MAGI3: variants seen among roughly 807,000 people sequenced by gnomAD.
The protein encoded by MAGI3 is membrane-associated guanylate kinase, WW and PDZ domain-containing protein 3.
In MAGI3, 43 loss-of-function variants were observed where a neutral mutation model predicts 121.8. That is an observed-to-expected ratio of 0.35 (90% confidence interval 0.28 to 0.46). The LOEUF (loss-of-function observed/expected upper bound fraction) is 0.46, where lower values mean the gene tolerates loss of function less well. Ranked by LOEUF, MAGI3 falls within the 20% of genes least tolerant of loss-of-function variation. MAGI3 has a pLI of 1.00. For synonymous variants in MAGI3, 553 were observed against 639.3 expected, an observed-to-expected ratio of 0.86 and a Z score of 2.04; for missense variants, 1,547 against 1,797.3, an observed-to-expected ratio of 0.86 and a Z score of 2.52.
intron 1 of MAGI3, among the ~76,000 whole-genome samples, chr1:113,522,343 G>A (rs1658239440): frequency 6.6e-6 from 1 of 152,194 alleles, no homozygotes; most frequent in South Asian, 2.1e-4. Context: ...GGCCTCAAGT[G>A]ACCTGCCTGC....
At chr1:113,485,888 C>A (rs574229826) in intron 1 of MAGI3, among the ~76,000 whole-genome samples, 1 of 152,278 alleles carries the variant, frequency 6.6e-6, no homozygotes, top group East Asian at 1.9e-4. Context: ...ATCTGACTTG[C>A]CAATTACCCT....
intron 1 of MAGI3, among the ~76,000 whole-genome samples, chr1:113,470,738 A>T (rs1266613245): frequency 1.3e-5 from 2 of 151,808 alleles, no homozygotes; most frequent in Non-Finnish European, 2.9e-5. Flanking sequence ...CCACCATTCT[A>T]CTCTCTGCTT....
At chr1:113,604,283 G>A (rs1476199766) in intron 6 of MAGI3, among the ~76,000 whole-genome samples, 2 of 151,918 alleles carry the variant, frequency 1.3e-5, no homozygotes, top group Admixed American at 6.6e-5. Flanking sequence ...ATAAAATGTG[G>A]TATTGCCAGG....
intron 2 of MAGI3, among the ~76,000 whole-genome samples, chr1:113,558,080 G>A (rs930508276): frequency 6.6e-6 from 1 of 152,094 alleles, no homozygotes; most frequent in African/African-American, 2.4e-5. Context: ...AAGATCAAAG[G>A]TACATAAGCC....
chr1:113,653,846 C>T lies in MAGI3; in HGVS notation c.2457C>T (p.Asp819=), dbSNP rs760284762. The T allele has an allele frequency of 1.2e-5, 19 of 1,601,694 alleles. No individual in the cohort carries two copies. Among genetic ancestry groups the T allele is most frequent in the South Asian group, 1.0e-4 (9 of 89,142 alleles). The part of the protein sequence containing the change: ...KIFYGEKQPE[D]DSSQAFISTQ... The stretch of plus-strand genomic sequence containing the variant: ...TTATTACAGAAAAACAACCCGAGGA[C>T]GACAGCTCTCAGGCCTTCATTTCAA... The change falls in exon 15 of 21, where the codon GAC becomes GAT. Residue 819 remains aspartate, a synonymous_variant. Transcript: ENST00000307546.
intron 2 of MAGI3, among the ~76,000 whole-genome samples, chr1:113,556,377 G>T (rs1052386871): frequency 6.6e-6 from 1 of 152,142 alleles, no homozygotes; most frequent in African/African-American, 2.4e-5. Context: ...GCTCATGCCT[G>T]TAATCCCAGT....
In MAGI3 at chr1:113,683,072, T is replaced by G; in HGVS notation, c.3504T>G (p.Pro1168=). 6.2e-7 allele frequency: 1 copy of G among 1,612,956 alleles called. No individual in the cohort carries two copies. Among genetic ancestry groups the G allele is most frequent in the Non-Finnish European group, 8.5e-7 (1 of 1,179,672 alleles). The part of the protein sequence containing the change: ...EKAEELKDIV[P]EKKSTLNENQ... ...CAGAAGAATTAAAGGACATTGTGCCTGAAAAGAAAAGCACTTTAAATGAAA... is the reference window on the plus strand; with the variant it reads ...CAGAAGAATTAAAGGACATTGTGCCGGAAAAGAAAAGCACTTTAAATGAAA... Residue 1168 remains proline (P), a synonymous_variant, in exon 21 of 21, where the codon CCT becomes CCG. Transcript: ENST00000307546.
At chr1:113,414,976 G>C (rs548874551) in intron 1 of MAGI3, among the ~76,000 whole-genome samples, 1 of 151,826 alleles carries the variant, frequency 6.6e-6, no homozygotes, top group Non-Finnish European at 1.5e-5. Flanking sequence ...GTGAAATTTG[G>C]TATATAATTT....
intron 6 of MAGI3, among the ~76,000 whole-genome samples, chr1:113,598,117 C>T (rs1649132343): frequency 6.6e-6 from 1 of 152,024 alleles, no homozygotes; most frequent in African/African-American, 2.4e-5. Flanking sequence ...GAGGCTGAGG[C>T]AGGAGAATTG....
chr1:113,400,942 G>A (rs1259799982), intron 1 of MAGI3, among the ~76,000 whole-genome samples: 2 of 152,108 alleles, frequency 1.3e-5, no homozygotes, highest in Non-Finnish European at 2.9e-5. Flanking sequence ...TAGGAATATT[G>A]AGGACTTATC....
intron 1 of MAGI3, among the ~76,000 whole-genome samples, chr1:113,494,994 C>T (rs1247634787): frequency 6.6e-6 from 1 of 152,060 alleles, no homozygotes. Flanking sequence ...CCAAAACATA[C>T]ATTTATGTTG....
At chr1:113,456,190 C>T (rs1412709778) in intron 1 of MAGI3, among the ~76,000 whole-genome samples, 1 of 135,140 alleles carries the variant, frequency 7.4e-6, no homozygotes, top group Non-Finnish European at 1.5e-5. Flanking sequence ...TGTTCTTGAT[C>T]TCCTGACCTC....
At chr1:113,395,095 T>TTTTTG (rs1485922941) in intron 1 of MAGI3, among the ~76,000 whole-genome samples, 2 of 138,752 alleles carry the variant, frequency 1.4e-5, no homozygotes, top group African/African-American at 2.6e-5. Flanking sequence ...TAGTTTTTTT[T>TTTTTG]TTTTTTTTTT....
At chr1:113,537,323 G>A (rs1659052864) in intron 1 of MAGI3, among the ~76,000 whole-genome samples, 1 of 152,150 alleles carries the variant, frequency 6.6e-6, no homozygotes, top group Non-Finnish European at 1.5e-5. Context: ...GGCTCCCTCT[G>A]CTTCAGGGTG....
intron 1 of MAGI3, chr1:113,449,869 G>T (rs533298353): frequency 2.0e-6 from 3 of 1,501,418 alleles, no homozygotes; most frequent in Non-Finnish European, 2.8e-6. Context: ...AGGGGCTTTG[G>T]TTTTGTGACT....
chr1:113,600,192 A>G (rs1391692395), intron 6 of MAGI3, among the ~76,000 whole-genome samples: 1 of 152,182 alleles, frequency 6.6e-6, no homozygotes, highest in South Asian at 2.1e-4. Context: ...CACCACTCCT[A>G]TTCAACATAG....
chr1:113,516,229 T>G (rs1283561909), intron 1 of MAGI3, among the ~76,000 whole-genome samples: 1 of 151,902 alleles, frequency 6.6e-6, no homozygotes, highest in Admixed American at 6.6e-5. Flanking sequence ...GACTGCTCAG[T>G]AGCAGTAAGC....
chr1:113,516,902 T>A (rs1657936931), intron 1 of MAGI3, among the ~76,000 whole-genome samples: 1 of 151,982 alleles, frequency 6.6e-6, no homozygotes, highest in Non-Finnish European at 1.5e-5. Flanking sequence ...TTACTCGTCT[T>A]CCTCTCAAAA....
Position 113,685,562 on chromosome 1 carries a change from C to CTAT in MAGI3, c.*1550_*1552dup, listed in dbSNP as rs1291957507. On this transcript the variant is annotated 3_prime_UTR_variant, in exon 21 of 21. Transcript: ENST00000307546. The stretch of plus-strand genomic sequence containing the variant: ...TTCATCCAGAACTATATTTACCCAC[C>CTAT]TATTGTAACTATTCAAATAGAGCAA... The CTAT allele has an allele frequency of 6.6e-6, 1 of 152,294 alleles. No homozygotes were observed. The allele number at this position is 152,294 out of a possible 1,614,324, so 9.4% of individuals were successfully genotyped here.
Sources: allele counts gnomAD v4.1 joint callset (sites outside exome capture counted in the v4.1 genomes callset), GRCh38; gene constraint gnomAD v4.1.1; transcripts MANE v1.5; gene names NCBI Gene and HGNC (gene_info 2026-07-23, HGNC 2026-07-21).